LAMA3: variants seen among roughly 807,000 people sequenced by gnomAD.
LAMA3 encodes laminin subunit alpha 3, also known as laminin subunit alpha-3.
In LAMA3, 281 loss-of-function variants were observed where a neutral mutation model predicts 402.0. The ratio of observed to expected loss-of-function variants is 0.70; its 90% CI spans 0.63 to 0.77. LAMA3 has a LOEUF of 0.77. Among genes scored for constraint, LAMA3 ranks in the 30% least tolerant of loss-of-function variants. The pLI is 0.00. For missense variants in LAMA3, 3,840 were observed against 4,215.5 expected (o/e 0.91, Z 2.47); for synonymous variants, 1,431 against 1,558.4 (o/e 0.92, Z 1.93).
chr18:23,758,166 T>C (rs1228940099), intron 6 of LAMA3, among the ~76,000 whole-genome samples: 1 of 152,200 alleles, frequency 6.6e-6, no homozygotes, highest in Admixed American at 6.5e-5. Context: ...CCTTGGCAGG[T>C]ATCTTAATAC....
intron 70 of LAMA3, among the ~76,000 whole-genome samples, chr18:23,947,699 A>G (rs1227493229): frequency 6.6e-6 from 1 of 152,076 alleles, no homozygotes; most frequent in Non-Finnish European, 1.5e-5. Context: ...AATACATACC[A>G]TATTATCCAT....
At position 23,950,076 on chromosome 18, in the gene LAMA3, C is replaced by T. The variant is rs150956802; in HGVS notation, c.9559C>T (p.Arg3187Cys). The T allele has an allele frequency of 9.2e-4, 1,490 of 1,614,020 alleles. 10 individuals are homozygous for T. The highest frequency in any genetic ancestry group is 2.7e-4 in the East Asian group (12 of 44,872). The change falls in exon 72 of 75, where the codon CGC becomes TGC. Residue 3187 changes from arginine (R) to cysteine (C), a missense_variant. Arg to Cys is a radical substitution (Grantham distance 180). Around this residue, in one of 3 missense-constraint regions of LAMA3, gnomAD observed 840 missense variants for 981.9 expected, o/e 0.86. Coordinates refer to ENST00000313654, the MANE Select transcript of LAMA3 (RefSeq NM_198129.4). ...GPEFKLVFSI[R>C]PRSLTGILIH... The stretch of plus-strand genomic sequence containing the variant: ...AGAATTTAAGCTTGTTTTCAGCATC[C>T]GCCCAAGAAGTCTCACTGGGATCCT...
rs760079299 is a variant in LAMA3, at chr18:23,813,104, G to T, written c.1788+1G>T. 1 of 1,597,186 alleles carries T rather than the reference G, an allele frequency of 6.3e-7. No homozygotes were observed. Among genetic ancestry groups the T allele is most frequent in the African/African-American group, 1.3e-5 (1 of 74,582 alleles). On this transcript the variant is annotated splice_donor_variant, in intron 14 of 74. Transcript: ENST00000313654. LOFTEE classifies it high-confidence loss of function. Reference sequence around the variant, plus strand: ...AGCTGGTACCATCAACTCCAATTTGGTAAGTAGACTATAAAAGGGTTGCAA... The same window carrying T: ...AGCTGGTACCATCAACTCCAATTTGTTAAGTAGACTATAAAAGGGTTGCAA...
chr18:23,909,197 G>C lies in LAMA3; in HGVS notation c.7060G>C (p.Glu2354Gln). The part of the protein sequence containing the change: ...NKLPDLWRKI[E>Q]SINQQLLPLG... ...ACTACCTGATCTTTGGCGCAAGATT[G>C]AAAGTATCAACCAACAGCTGTTGCC... The change falls in exon 55 of 75, where the codon GAA (glutamate) becomes CAA (glutamine). Residue 2354 changes from glutamate (E) to glutamine (Q), a missense_variant. By Grantham distance (29) the Glu-to-Gln change is conservative. Coordinates refer to ENST00000313654, the MANE Select transcript of LAMA3 (RefSeq NM_198129.4). 6.2e-7 allele frequency: 1 copy of C among 1,614,002 alleles called. No individual in the cohort carries two copies. The highest frequency in any genetic ancestry group is 8.5e-7 in the Non-Finnish European group (1 of 1,179,954).
rs1050193214 is a variant in LAMA3, at chr18:23,845,183, A to G, written c.3719+59A>G. On this transcript the variant is annotated intron_variant, in intron 30 of 74. Coordinates refer to ENST00000313654, the MANE Select transcript of LAMA3 (RefSeq NM_198129.4). ...CAGAGGCACTCCCACATTCCTGACC[A>G]GCTCGAGGCCCAGGGAGGGGCTGGC... The G allele has an allele frequency of 4.0e-6, 4 of 998,538 alleles. No homozygotes were observed. The African/African-American group carries it at 6.4e-5, about 16-fold the overall frequency. 61.9% of individuals were successfully genotyped at this position (998,538 alleles called of 1,614,324 possible). A position where few individuals can be genotyped will look rare whatever the true frequency, so the allele number is the denominator to read the frequency against.
chr18:23,718,392 C>A (rs2061148657), intron 2 of LAMA3, among the ~76,000 whole-genome samples: 1 of 147,908 alleles, frequency 6.8e-6, no homozygotes, highest in Non-Finnish European at 1.5e-5. Flanking sequence ...AAGCCTGACT[C>A]ATTGTGTTCC....
intron 2 of LAMA3, among the ~76,000 whole-genome samples, chr18:23,726,220 G>C (rs2061297961): frequency 6.6e-6 from 1 of 152,216 alleles, no homozygotes; most frequent in Admixed American, 6.5e-5. Context: ...ATCCAGGTGG[G>C]CCCAGGCAGC....
At chr18:23,916,833 C>G in intron 60 of LAMA3, 138 bp downstream of exon 60, 3 of 891,354 alleles carry the variant, frequency 3.4e-6, no homozygotes, top group Non-Finnish European at 5.5e-6. Context: ...TTTCCTCCAC[C>G]CAGTTGTACT....
chr18:23,931,358 T>C (rs898332603), intron 65 of LAMA3, 157 bp downstream of exon 65: 2 of 682,322 alleles, frequency 2.9e-6, no homozygotes, highest in Admixed American at 2.4e-5. Flanking sequence ...TATCAATTTC[T>C]TCATAAAAAA....
rs2082398917 is a variant in LAMA3 at position 23,938,966 on chromosome 18, G to A, written c.8863-257G>A. Reference sequence around the variant, plus strand: ...AAAGCCACACTAGGGCATTGAAGGGGATTACGAGGATCTGGCTTCGGGAAA... The same window carrying A: ...AAAGCCACACTAGGGCATTGAAGGGAATTACGAGGATCTGGCTTCGGGAAA... On this transcript the variant is annotated intron_variant, in intron 67 of 74. Transcript: ENST00000313654. Among the ~76,000 whole-genome samples, 4 of 152,100 alleles carry A rather than the reference G, an allele frequency of 2.6e-5. No individual in the cohort carries two copies. In the South Asian group the frequency reaches 8.3e-4, roughly 32 times the overall value.
chr18:23,846,245 C>T, intron 30 of LAMA3, 52 bp from the exon 31 acceptor site: 4 of 1,571,546 alleles, frequency 2.5e-6, no homozygotes, highest in Admixed American at 3.3e-5. Flanking sequence ...GTTGAGGCCA[C>T]TCCCATACAC....
chr18:23,840,130 C>A (rs1016273896), intron 27 of LAMA3, among the ~76,000 whole-genome samples: 2 of 152,170 alleles, frequency 1.3e-5, no homozygotes, highest in African/African-American at 4.8e-5. Flanking sequence ...AGTTTGAGAA[C>A]CTCTACTGTC....
At chr18:23,950,863 G>C (rs2145567403) in intron 72 of LAMA3, among the ~76,000 whole-genome samples, 1 of 152,300 alleles carries the variant, frequency 6.6e-6, no homozygotes, top group Admixed American at 6.5e-5. Context: ...CTATCCACTT[G>C]CAAGGTGGTT....
intron 66 of LAMA3, 142 bp from the exon 67 acceptor site, chr18:23,933,636 TTCTA>T (rs1235475332): frequency 2.7e-6 from 2 of 752,182 alleles, no homozygotes; most frequent in Non-Finnish European, 4.6e-6. Flanking sequence ...ATCATATTCC[TTCTA>T]TCTAACTGCA....
chr18:23,715,655 C>T (rs1030461063), intron 2 of LAMA3, among the ~76,000 whole-genome samples: 2 of 152,040 alleles, frequency 1.3e-5, no homozygotes, highest in African/African-American at 4.8e-5. Flanking sequence ...CAGATGGTAA[C>T]GTAAACAGCA....
At chr18:23,693,834 C>T (rs2060637097) in intron 1 of LAMA3, among the ~76,000 whole-genome samples, 1 of 152,136 alleles carries the variant, frequency 6.6e-6, no homozygotes, top group Non-Finnish European at 1.5e-5. Flanking sequence ...TAACTCTCTG[C>T]ATTCTGGAAC....
intron 6 of LAMA3, among the ~76,000 whole-genome samples, 198 bp downstream of exon 6, chr18:23,754,010 C>A (rs1331828611): frequency 6.6e-6 from 1 of 152,098 alleles, no homozygotes; most frequent in African/African-American, 2.4e-5. Flanking sequence ...TAGGCCCTGG[C>A]AGACACGGCT....
At chr18:23,878,679 T>C (rs941095674) in intron 39 of LAMA3, among the ~76,000 whole-genome samples, 2 of 152,254 alleles carry the variant, frequency 1.3e-5, no homozygotes, top group African/African-American at 4.8e-5. Flanking sequence ...ACGGGCCTTC[T>C]GGCTGATTTC....
intron 2 of LAMA3, among the ~76,000 whole-genome samples, chr18:23,741,671 T>G (rs1021284580): frequency 2.0e-5 from 3 of 152,204 alleles, no homozygotes; most frequent in Admixed American, 6.5e-5. Context: ...TGTTTCAAAG[T>G]GTCTCCCCCA....
Sources: allele counts gnomAD v4.1 joint callset (sites outside exome capture counted in the v4.1 genomes callset), GRCh38; gene constraint gnomAD v4.1.1; regional missense constraint gnomAD v4.1.1; transcripts MANE v1.5; gene names NCBI Gene and HGNC (gene_info 2026-07-23, HGNC 2026-07-21).